Variants in DNAH10 observed in about 807,000 individuals in gnomAD.
The protein encoded by DNAH10 is axonemal beta dynein heavy chain 10.
A neutral mutation model predicts 506.6 loss-of-function variants in DNAH10; 348 were observed. The observed-to-expected ratio is 0.69, with a 90% CI of 0.63 to 0.75. The LOEUF (loss-of-function observed/expected upper bound fraction) is 0.75. Among genes scored for constraint, DNAH10 ranks in the 30% least tolerant of loss-of-function variants. DNAH10 has a pLI of 0.00. For synonymous variants in DNAH10, 2,059 were observed against 2,198.6 expected (o/e 0.94, Z 1.78); for missense variants, 5,179 against 5,787.1 (o/e 0.89, Z 3.41).
At position 123,787,912 on chromosome 12, in the gene DNAH10, G is replaced by A. The variant is rs1957923779; in HGVS notation, c.1530G>A (p.Arg510=). Residue 510 remains arginine (R), a synonymous_variant, in exon 10 of 79, where the codon AGG becomes AGA. Coordinates refer to ENST00000673944, the MANE Select transcript of DNAH10 (RefSeq NM_001372106.1). The surrounding 1 kb of genome is among the most constrained non-coding windows in gnomAD (Gnocchi z 4.6). Reference sequence around the variant, plus strand: ...GGGCCAAGATAGAGGCTTCGGGGAGGGAAGATCGGTGGGAGTTTGACCGGA... The same window carrying A: ...GGGCCAAGATAGAGGCTTCGGGGAGAGAAGATCGGTGGGAGTTTGACCGGA... ...DTRAKIEASG[R]EDRWEFDRKR... is the part of the protein sequence containing the mutation. 1.9e-6 allele frequency: 3 copies of A among 1,611,378 alleles called. No individual in the cohort carries two copies. The highest frequency in any genetic ancestry group is 1.1e-5 in the South Asian group (1 of 90,370).
chr12:123,845,243 C>A (rs953800157), intron 30 of DNAH10, among the ~76,000 whole-genome samples: 3 of 152,196 alleles, frequency 2.0e-5, no homozygotes, highest in Non-Finnish European at 4.4e-5. Context: ...AAGTGATCCT[C>A]TTCCTTGGCC....
chr12:123,870,247 G>A lies in DNAH10; in HGVS notation c.7520-119G>A. On this transcript the variant is annotated intron_variant, in intron 43 of 78. Transcript: ENST00000673944. The stretch of plus-strand genomic sequence containing the variant: ...TGTCCAGTGAAGGAGCAGCATTGAA[G>A]TACTCACTATGGCCTCCGTGCAGTA... 3 of 1,334,880 alleles carry A rather than the reference G, an allele frequency of 2.2e-6. No homozygotes were observed. In the South Asian group the frequency reaches 4.3e-5, roughly 19 times the overall value. 82.7% of individuals were successfully genotyped at this position (1,334,880 alleles called of 1,614,324 possible).
intron 43 of DNAH10, among the ~76,000 whole-genome samples, chr12:123,868,563 G>A (rs138341133): frequency 1.4e-4 from 21 of 152,294 alleles, no homozygotes; most frequent in African/African-American, 4.6e-4. Flanking sequence ...TTTGTAAATC[G>A]TTCATAGGAA....
chr12:123,863,781 G>A (rs1951695251), intron 39 of DNAH10, among the ~76,000 whole-genome samples: 1 of 152,204 alleles, frequency 6.6e-6, no homozygotes, highest in Admixed American at 6.5e-5. Flanking sequence ...CAGCTTCTGG[G>A]TGAACACATC....
chr12:123,898,670 G>T lies in DNAH10; in HGVS notation c.9496G>T (p.Asp3166Tyr), dbSNP rs778902538. The T allele has an allele frequency of 3.8e-6, 6 of 1,589,574 alleles. No homozygotes were observed. In the South Asian group the frequency reaches 4.6e-5, roughly 12 times the overall value. The change falls in exon 56 of 79, where the codon GAT becomes TAT. Residue 3166 changes from aspartate (D) to tyrosine (Y), a missense_variant. Around this residue, in one of 3 missense-constraint regions of DNAH10, gnomAD observed 4,844 missense variants for 5,430.5 expected, o/e 0.89. Coordinates refer to ENST00000673944, the MANE Select transcript of DNAH10 (RefSeq NM_001372106.1). ...TTCCTCAGCTCAGTGCAAGCGTCTGGATGGGGGACTGGACAAGCTGAAGGA... is the reference window on the plus strand; with the variant it reads ...TTCCTCAGCTCAGTGCAAGCGTCTGTATGGGGGACTGGACAAGCTGAAGGA... ...QCNIAQCKRLDGGLDKLKEAT... is the reference protein window; with the variant it reads ...QCNIAQCKRLYGGLDKLKEAT...
intron 30 of DNAH10, among the ~76,000 whole-genome samples, chr12:123,841,963 G>A (rs1232973935): frequency 1.3e-5 from 2 of 152,208 alleles, no homozygotes; most frequent in Non-Finnish European, 2.9e-5. Flanking sequence ...TGGGATTACA[G>A]GTGTGAGCCA....
chr12:123,832,855 A>G lies in DNAH10; in HGVS notation c.4546-259A>G, dbSNP rs561644873. 2.6e-5 allele frequency among the ~76,000 whole-genome samples: 4 copies of G among 152,302 alleles called. No homozygotes were observed. The South Asian group carries it at 8.3e-4, about 32-fold the overall frequency. On this transcript the variant is annotated intron_variant, in intron 26 of 78. Coordinates refer to ENST00000673944, the MANE Select transcript of DNAH10 (RefSeq NM_001372106.1). ...GCCATCTCTGTAAAATGTGGGTGAT[A>G]ATAATCCCTACCAATATACTTTGAG...
Position 123,813,863 on chromosome 12 carries a change from A to G in DNAH10, c.3731A>G (p.Tyr1244Cys), listed in dbSNP as rs764955400. 3.2e-5 allele frequency: 52 copies of G among 1,612,510 alleles called. No individual in the cohort carries two copies. Among genetic ancestry groups the G allele is most frequent in the Non-Finnish European group, 4.2e-5 (49 of 1,179,656 alleles). ...RSKSLVMELR[Y>C]RDVQERYRTM... ...AAATCTCTAGTCATGGAACTCAGAT[A>G]TAGGGACGTCCAGGAGCGATACCGT... is the stretch of plus-strand genomic sequence containing the variant. Residue 1244 changes from tyrosine to cysteine, a missense_variant, in exon 21 of 79, where the codon TAT becomes TGT. Transcript: ENST00000673944.
At chr12:123,765,972 A>G (rs1957029659) in intron 1 of DNAH10, among the ~76,000 whole-genome samples, 1 of 151,902 alleles carries the variant, frequency 6.6e-6, no homozygotes, top group Admixed American at 6.6e-5. Context: ...TCACTTACCT[A>G]TCATCTATCT....
Position 123,796,812 on chromosome 12 carries a change from G to A in DNAH10, c.2143G>A (p.Asp715Asn), listed in dbSNP as rs769455843. The change falls in exon 13 of 79, where the codon GAC (aspartate) becomes AAC (asparagine). Residue 715 changes from aspartate (D) to asparagine (N), a missense_variant. Asp to Asn is a conservative substitution (Grantham distance 23). Coordinates refer to ENST00000673944, the MANE Select transcript of DNAH10 (RefSeq NM_001372106.1). ...LRFQEVQEIL[D>N]SDRGQEVKQK... ...ATTTCAAGAGGTACAAGAGATACTGGACAGTGATCGAGGACAGGAGGTATG... is the reference window on the plus strand; with the variant it reads ...ATTTCAAGAGGTACAAGAGATACTGAACAGTGATCGAGGACAGGAGGTATG... 16 of 1,611,608 alleles carry A rather than the reference G, an allele frequency of 9.9e-6. No individual in the cohort carries two copies. Among genetic ancestry groups the A allele is most frequent in the Non-Finnish European group, 1.1e-5 (13 of 1,179,372 alleles).
chr12:123,914,803 C>G (rs766028412), intron 61 of DNAH10, 49 bp from the exon 62 acceptor site: 3 of 1,595,670 alleles, frequency 1.9e-6, no homozygotes, highest in South Asian at 1.1e-5. Context: ...TAGCCCTTGG[C>G]TCACAAATTG....
chr12:123,786,328 A>C (rs1309796011), intron 9 of DNAH10, among the ~76,000 whole-genome samples: 1 of 151,270 alleles, frequency 6.6e-6, no homozygotes, highest in Non-Finnish European at 1.5e-5. Flanking sequence ...AAAAAAAAAA[A>C]AGTACAATTC....
chr12:123,877,917 G>T lies in DNAH10; in HGVS notation c.8372+9G>T. On this transcript the variant is annotated intron_variant, in intron 48 of 78. Coordinates refer to ENST00000673944, the MANE Select transcript of DNAH10 (RefSeq NM_001372106.1). The stretch of plus-strand genomic sequence containing the variant: ...CTCACTAACCCGGAGCGGTGAGTTT[G>T]ATTTATCTTACTAAAATATGCCCCA... 6.2e-7 allele frequency: 1 copy of T among 1,611,866 alleles called. No individual in the cohort carries two copies. The highest frequency in any genetic ancestry group is 8.5e-7 in the Non-Finnish European group (1 of 1,179,068).
chr12:123,909,074 G>A lies in DNAH10; in HGVS notation c.9816-187G>A, dbSNP rs1046385694. Among the ~76,000 whole-genome samples, 2 of 152,214 alleles carry A rather than the reference G, an allele frequency of 1.3e-5. No individual in the cohort carries two copies. Among genetic ancestry groups the A allele is most frequent in the African/African-American group, 4.8e-5 (2 of 41,450 alleles). On this transcript the variant is annotated intron_variant, in intron 57 of 78. Coordinates refer to ENST00000673944, the MANE Select transcript of DNAH10 (RefSeq NM_001372106.1). This position sits in a 1 kb window ranked among gnomAD's most constrained non-coding sequence, Gnocchi z 5.4. ...GTCTGGAACCTGAGAGGGGGACCCGGCCCTGCCCTTAGGGACGCTCCCGCC... is the reference window on the plus strand; with the variant it reads ...GTCTGGAACCTGAGAGGGGGACCCGACCCTGCCCTTAGGGACGCTCCCGCC...
chr12:123,925,434 G>C lies in DNAH10; in HGVS notation c.11921+230G>C. ...ATATGCAGTTTCGAAAGTTCTAGTA[G>C]CTACATTAGAAAAGAAATGGGCGCA... On this transcript the variant is annotated intron_variant, in intron 68 of 78. Transcript: ENST00000673944. The surrounding 1 kb of genome is among the most constrained non-coding windows in gnomAD (Gnocchi z 4.0). 2.3e-6 allele frequency: 1 copy of C among 432,446 alleles called. No homozygotes were observed. Among genetic ancestry groups the C allele is most frequent in the East Asian group, 3.5e-5 (1 of 28,590 alleles). 26.8% of individuals were successfully genotyped at this position (432,446 alleles called of 1,614,324 possible).
rs74957602 is a variant in DNAH10 at position 123,816,505 on chromosome 12, C to T, written c.3781-2445C>T. On this transcript the variant is annotated intron_variant, in intron 21 of 78. Transcript: ENST00000673944. ...GGGAGAGTGGTGTGCTCAGAGAAGG[C>T]GTGGAGGCTCTGTGCACCCCCCAAC... Among the ~76,000 whole-genome samples, 686 of 152,266 alleles carry T rather than the reference C, an allele frequency of 4.5e-3. 4 individuals are homozygous for T. Among genetic ancestry groups the T allele is most frequent in the African/African-American group, 0.016 (655 of 41,546 alleles).
rs535987650 is a variant in DNAH10 at position 123,909,572 on chromosome 12, T to C, written c.9997+130T>C. 3,081 of 1,204,360 alleles carry C rather than the reference T, an allele frequency of 2.6e-3. 8 individuals are homozygous for C. Among genetic ancestry groups the C allele is most frequent in the Non-Finnish European group, 3.1e-3 (2,773 of 886,508 alleles). The allele number at this position is 1,204,360 out of a possible 1,614,324, so 74.6% of individuals were successfully genotyped here. ...CCCCTTCTGGTCAGATGGTATCGGATGGAACAGGCAACTGATGGTCACCAG... is the reference window on the plus strand; with the variant it reads ...CCCCTTCTGGTCAGATGGTATCGGACGGAACAGGCAACTGATGGTCACCAG... On this transcript the variant is annotated intron_variant, in intron 58 of 78. Transcript: ENST00000673944. The surrounding 1 kb of genome is among the most constrained non-coding windows in gnomAD (Gnocchi z 5.4).
intron 50 of DNAH10, among the ~76,000 whole-genome samples, chr12:123,880,472 C>T (rs1323292347): frequency 2.0e-5 from 3 of 151,680 alleles, no homozygotes; most frequent in Non-Finnish European, 4.4e-5. Context: ...CTGGAGTAGC[C>T]GGGACTATGG....
Position 123,762,539 on chromosome 12 carries a change from A to T in DNAH10, c.203A>T (p.Glu68Val). 6.4e-7 allele frequency: 1 copy of T among 1,557,624 alleles called. No homozygotes were observed. Among genetic ancestry groups the T allele is most frequent in the South Asian group, 1.2e-5 (1 of 83,712 alleles). ...IYRTMVPEEVEVEIDEIPVLS... is the reference protein window; with the variant it reads ...IYRTMVPEEVVVEIDEIPVLS... Reference sequence around the variant, plus strand: ...CGCACTATGGTGCCGGAGGAGGTGGAGGTGGAGATTGGTGAGCCTCGACGC... The same window carrying T: ...CGCACTATGGTGCCGGAGGAGGTGGTGGTGGAGATTGGTGAGCCTCGACGC... Residue 68 changes from glutamate to valine, a missense_variant, in exon 1 of 79, where the codon GAG becomes GTG. By Grantham distance (121) the Glu-to-Val change is moderately radical (BLOSUM62 -2). This residue lies in a region of DNAH10 where 326 missense variants were observed against 330.8 expected (regional missense o/e 0.99). Transcript: ENST00000673944. The surrounding 1 kb of genome is among the most constrained non-coding windows in gnomAD (Gnocchi z 5.0).
Sources: allele counts gnomAD v4.1 joint callset (sites outside exome capture counted in the v4.1 genomes callset), GRCh38; gene constraint gnomAD v4.1.1; regional missense constraint gnomAD v4.1.1; non-coding constraint Gnocchi (gnomAD v3.1); transcripts MANE v1.5; gene names NCBI Gene and HGNC (gene_info 2026-07-23, HGNC 2026-07-21).